Variants in TAF6 observed in about 807,000 individuals in gnomAD.
TAF6 encodes the protein TATA-box binding protein associated factor 6.
In TAF6, 50 loss-of-function variants were observed where a neutral mutation model predicts 73.5. The ratio of observed to expected loss-of-function variants is 0.68; its 90% CI spans 0.54 to 0.86. The LOEUF (loss-of-function observed/expected upper bound fraction) is 0.86, where lower values mean the gene tolerates loss of function less well. Ranked by LOEUF, TAF6 falls within the 40% of genes least tolerant of loss-of-function variation. The pLI, the probability that TAF6 is intolerant of heterozygous loss-of-function variation, is 0.00. For missense variants in TAF6, 768 were observed against 899.5 expected (o/e 0.85, Z 1.87); for synonymous variants, 424 against 376.7 (o/e 1.13, Z -1.45).
intron 5 of TAF6, 57 bp downstream of exon 5, chr7:100,113,292 A>AT (rs1368322590): frequency 2.1e-6 from 3 of 1,449,146 alleles, no homozygotes; most frequent in Non-Finnish European, 2.8e-6. Context: ...CAAAAAAAAA[A>AT]GGTGGAAGGA....
At chr7:100,122,760 G>T (rs752467111), upstream of TAF6, 3 of 1,605,256 alleles carry the variant, frequency 1.9e-6, no homozygotes, top group South Asian at 3.3e-5. Flanking sequence ...GAGCTGGGCT[G>T]ATGCCAAATT....
chr7:100,122,727 G>T (rs1350543875), upstream of TAF6: 16 of 1,577,658 alleles, frequency 1.0e-5, no homozygotes, highest in East Asian at 3.6e-4. Flanking sequence ...ATGGCAGAAA[G>T]GGGAAGGGAG....
chr7:100,116,660 C>CAAA (rs998135247), intron 1 of TAF6: 3 of 151,372 alleles, frequency 2.0e-5, no homozygotes, highest in Non-Finnish European at 2.9e-5. Context: ...ACAACAACAA[C>CAAA]AAAAAAAACA....
Position 100,111,762 on chromosome 7 carries a change from A to C in TAF6, c.866T>G (p.Leu289Arg). Residue 289 changes from leucine to arginine, a missense_variant, in exon 9 of 15, where the codon CTG (leucine) becomes CGG (arginine). Physicochemically the swap from Leu to Arg is moderately radical, Grantham distance 102. Transcript: ENST00000453269. ...TAGATAGAGCGTGGGGTTGTCCATC[A>C]GCGCTTTCACCATACGCATCAGGTA... is the stretch of plus-strand genomic sequence containing the variant. ...LIYLMRMVKA[L>R]MDNPTLYLEK... 6.2e-7 allele frequency: 1 copy of C among 1,614,222 alleles called. No homozygotes were observed. The highest frequency in any genetic ancestry group is 8.5e-7 in the Non-Finnish European group (1 of 1,180,032).
Position 100,109,956 on chromosome 7 carries a change from G to T in TAF6, c.1276C>A (p.Leu426Ile). Residue 426 changes from leucine to isoleucine, a missense_variant, in exon 12 of 15, where the codon CTC becomes ATC. Leu to Ile is a conservative substitution (Grantham distance 5). Around this residue, in one of 5 missense-constraint regions of TAF6, gnomAD observed 350 missense variants for 352.3 expected, o/e 0.99. Transcript: ENST00000453269. ...DRIGADHVQS[L>I]LLKHCAPVLA... is the part of the protein sequence containing the mutation. ...ACAGGGGCTTCAGTCACCAGCAGGA[G>T]GCTCTGCACATGGTCTGCTCCAATC... 1 of 1,614,150 alleles carries T rather than the reference G, an allele frequency of 6.2e-7. No individual in the cohort carries two copies. Among genetic ancestry groups the T allele is most frequent in the Non-Finnish European group, 8.5e-7 (1 of 1,180,034 alleles).
chr7:100,121,603 C>A (rs1584586345), upstream of TAF6, among the ~76,000 whole-genome samples: 1 of 151,854 alleles, frequency 6.6e-6, no homozygotes. Flanking sequence ...CACCACCACA[C>A]CTGGCTAGTT....
At chr7:100,120,103 A>T (rs1160656855), upstream of TAF6, 1 of 424,010 alleles carries the variant, frequency 2.4e-6, no homozygotes, top group Non-Finnish European at 4.2e-6. Flanking sequence ...CCGCCAATGG[A>T]TTGTGGGAAT....
Position 100,113,712 on chromosome 7 carries a change from C to G in TAF6, c.301G>C (p.Gly101Arg), listed in dbSNP as rs1376884128. Residue 101 changes from glycine to arginine, a missense_variant, in exon 4 of 15, where the codon GGC becomes CGC. Physicochemically the swap from Gly to Arg is moderately radical, Grantham distance 125 (BLOSUM62 -2). This residue lies in a region of TAF6 where 269 missense variants were observed against 268.0 expected (regional missense o/e 1.00). Coordinates refer to ENST00000453269, the MANE Select transcript of TAF6 (RefSeq NM_139315.3). ...TCCTCATAGAAGTAAAGCTCCCGGCCCCCACCAGAGGCGAAGCGGAAAGGA... is the reference window on the plus strand; with the variant it reads ...TCCTCATAGAAGTAAAGCTCCCGGCGCCCACCAGAGGCGAAGCGGAAAGGA... ...FIPFRFASGG[G>R]RELYFYEEKE... is the part of the protein sequence containing the mutation. 1 of 1,613,974 alleles carries G rather than the reference C, an allele frequency of 6.2e-7. No individual in the cohort carries two copies. The highest frequency in any genetic ancestry group is 8.5e-7 in the Non-Finnish European group (1 of 1,180,034).
Position 100,119,317 on chromosome 7 carries a change from G to A in TAF6, c.-173C>T, listed in dbSNP as rs1397207858. 2.9e-6 allele frequency: 3 copies of A among 1,032,748 alleles called. No homozygotes were observed. Among genetic ancestry groups the A allele is most frequent in the Admixed American group, 1.1e-4 (2 of 17,456 alleles). 64.0% of individuals were successfully genotyped at this position (1,032,748 alleles called of 1,614,324 possible). A position where few individuals can be genotyped will look rare whatever the true frequency, so the allele number is the denominator to read the frequency against. ...GCAGGAAAACTCTAGCGGCAGCCGA[G>A]ACGCTGCTCACCCGGCGCTCGGCGC... On this transcript the variant is annotated 5_prime_UTR_variant, in exon 1 of 15. Coordinates refer to ENST00000453269, the MANE Select transcript of TAF6 (RefSeq NM_139315.3).
upstream of TAF6, chr7:100,119,688 A>AC: frequency 6.2e-7 from 1 of 1,613,710 alleles, no homozygotes; most frequent in Non-Finnish European, 8.5e-7. Flanking sequence ...TAAGGGACCC[A>AC]CACTACCTTC....
chr7:100,114,250 C>G lies in TAF6; in HGVS notation c.-41G>C, dbSNP rs909287240. 272 of 1,613,506 alleles carry G rather than the reference C, an allele frequency of 1.7e-4. No individual in the cohort carries two copies. Among genetic ancestry groups the G allele is most frequent in the Admixed American group, 4.3e-4 (26 of 59,978 alleles). On this transcript the variant is annotated 5_prime_UTR_variant, in exon 2 of 15. Transcript: ENST00000453269. ...CTCCTCCCTGGAAGGATGAAGCCCC[C>G]GGTGGAGAGACGGAGACCCTGGCAG...
chr7:100,107,718 G>T, intron 14 of TAF6, 95 bp from the exon 15 acceptor site: 1 of 1,521,178 alleles, frequency 6.6e-7, no homozygotes, highest in South Asian at 1.3e-5. Context: ...GCCTGAACAA[G>T]TTGTTCCTGT....
In TAF6 at chr7:100,107,224, C is replaced by T; in HGVS notation, c.*22G>A. ...TGTACATGTCTGCATGTGTGGGAAT[C>T]CGGGGGCTGGCAGGTGGAGCATCAC... On this transcript the variant is annotated 3_prime_UTR_variant, in exon 15 of 15. Transcript: ENST00000453269. 6.6e-7 allele frequency: 1 copy of T among 1,519,360 alleles called. No homozygotes were observed. Among genetic ancestry groups the T allele is most frequent in the Non-Finnish European group, 8.8e-7 (1 of 1,136,574 alleles). 94.1% of individuals were successfully genotyped at this position (1,519,360 alleles called of 1,614,324 possible).
At chr7:100,125,911 G>T in the TAF6 span, among the ~76,000 whole-genome samples, 1 of 152,230 alleles carries the variant, frequency 6.6e-6, no homozygotes, top group Non-Finnish European at 1.5e-5. Flanking sequence ...GGGCGGCTGG[G>T]CGCGGTGACT....
At chr7:100,112,665 A>T (rs1797298995) in intron 6 of TAF6, 133 bp downstream of exon 6, 1 of 1,308,878 alleles carries the variant, frequency 7.6e-7, no homozygotes, top group East Asian at 2.7e-5. Context: ...CAGTGAGCTG[A>T]GATCGTACCA....
upstream of TAF6, chr7:100,121,067 A>G (rs1242936792): frequency 9.7e-6 from 1 of 103,146 alleles, no homozygotes; most frequent in Non-Finnish European, 1.9e-5. Flanking sequence ...GGGACATACT[A>G]TTATTATCCA....
At chr7:100,112,312 G>C in intron 6 of TAF6, 59 bp from the exon 7 acceptor site, 1 of 1,576,504 alleles carries the variant, frequency 6.3e-7, no homozygotes, top group Non-Finnish European at 8.6e-7. Context: ...CTCAGTAACA[G>C]AAGAACCTTA....
At chr7:100,119,792 G>A (rs1296432986), upstream of TAF6, 1 of 1,614,026 alleles carries the variant, frequency 6.2e-7, no homozygotes, top group South Asian at 1.1e-5. Context: ...TTTTGGCCGT[G>A]CACGAGGCTT....
At chr7:100,121,301 G>A (rs1798061852), upstream of TAF6, 1 of 149,810 alleles carries the variant, frequency 6.7e-6, no homozygotes, top group Non-Finnish European at 1.5e-5. Context: ...ACCATGCCCA[G>A]CTAATTTTTG....
Sources: allele counts gnomAD v4.1 joint callset (sites outside exome capture counted in the v4.1 genomes callset), GRCh38; gene constraint gnomAD v4.1.1; regional missense constraint gnomAD v4.1.1; transcripts MANE v1.5; gene names NCBI Gene and HGNC (gene_info 2026-07-23, HGNC 2026-07-21).